Variants in EIF2AK4 observed in about 807,000 individuals in gnomAD.
EIF2AK4 encodes eukaryotic translation initiation factor 2 alpha kinase 4, also known as eIF-2-alpha kinase GCN2.
Under a neutral mutation model 211.1 loss-of-function variants are expected in EIF2AK4, and 139 were observed. The observed-to-expected ratio is 0.66, with a 90% CI of 0.57 to 0.76. The LOEUF (loss-of-function observed/expected upper bound fraction) is 0.76. Among genes scored for constraint, EIF2AK4 ranks in the 30% least tolerant of loss-of-function variants. The pLI, the probability that EIF2AK4 is intolerant of heterozygous loss-of-function variation, is 0.00. For missense variants in EIF2AK4, 1,664 were observed against 2,043.8 expected, an observed-to-expected ratio of 0.81 and a Z score of 3.58; for synonymous variants, 710 against 751.3, an observed-to-expected ratio of 0.94 and a Z score of 0.90.
chr15:39,996,554 C>A (rs1053570411), intron 18 of EIF2AK4, among the ~76,000 whole-genome samples: 4 of 151,880 alleles, frequency 2.6e-5, no homozygotes, highest in Non-Finnish European at 5.9e-5. Context: ...AAAATACACA[C>A]AAAAAAATTA....
rs759899622 is a variant in EIF2AK4 at position 40,003,198 on chromosome 15, G to C, written c.3241G>C (p.Val1081Leu). 1 of 1,614,118 alleles carries C rather than the reference G, an allele frequency of 6.2e-7. No homozygotes were observed. Among genetic ancestry groups the C allele is most frequent in the South Asian group, 1.1e-5 (1 of 91,074 alleles). The change falls in exon 23 of 39, where the codon GTT (valine) becomes CTT (leucine). Residue 1081 changes from valine to leucine, a missense_variant. Around this residue, in one of 7 missense-constraint regions of EIF2AK4, gnomAD observed 622 missense variants for 796.8 expected, o/e 0.78. Transcript: ENST00000263791. Reference protein sequence around the residue: ...IIRIFKRHGAVQLCTPLLLPR... With the variant: ...IIRIFKRHGALQLCTPLLLPR... The stretch of plus-strand genomic sequence containing the variant: ...TTTTTTCTCATTTGGTGTAGGAGCT[G>C]TTCAGTTGTGTACTCCACTACTGCT...
At chr15:40,016,382 G>C in intron 27 of EIF2AK4, 120 bp from the exon 28 acceptor site, 1 of 1,243,806 alleles carries the variant, frequency 8.0e-7, no homozygotes, top group Non-Finnish European at 1.1e-6. Context: ...AATAATCTTT[G>C]ACCACAAAGA....
At chr15:40,020,698 A>AT (rs1325059430) in intron 30 of EIF2AK4, 2 of 330,422 alleles carry the variant, frequency 6.1e-6, no homozygotes, top group Admixed American at 4.8e-5. Flanking sequence ...CAGAAAAAAA[A>AT]AGAAAAAGTT....
chr15:39,993,923 G>A (rs1271054064), intron 18 of EIF2AK4, among the ~76,000 whole-genome samples: 1 of 152,178 alleles, frequency 6.6e-6, no homozygotes, highest in Non-Finnish European at 1.5e-5. Context: ...CAATGGAAGG[G>A]ATGTTGGATG....
chr15:39,962,133 C>T (rs1362936716), intron 7 of EIF2AK4, among the ~76,000 whole-genome samples: 2 of 152,160 alleles, frequency 1.3e-5, no homozygotes, highest in African/African-American at 2.4e-5. Flanking sequence ...CGTGGCTATG[C>T]CTATAATCCC....
In EIF2AK4 at chr15:39,998,777, C is replaced by T. The variant is rs1595419350; in HGVS notation, c.2915C>T (p.Ala972Val). The change falls in exon 20 of 39, where the codon GCA becomes GTA. Residue 972 changes from alanine (A) to valine (V), a missense_variant. Ala to Val is a moderately conservative substitution (Grantham distance 64). This residue lies in a region of EIF2AK4 where 622 missense variants were observed against 796.8 expected (regional missense o/e 0.78). Coordinates refer to ENST00000263791, the MANE Select transcript of EIF2AK4 (RefSeq NM_001013703.4). ...GAAGACTTTGACGATGGAGAGCATG[C>T]AAAGCAGGTAATTTTCTGATGCGTC... ...FPEDFDDGEHAKQKSVISWLL... is the reference protein window; with the variant it reads ...FPEDFDDGEHVKQKSVISWLL... 3 of 1,611,698 alleles carry T rather than the reference C, an allele frequency of 1.9e-6. No individual in the cohort carries two copies. In the East Asian group the frequency reaches 6.7e-5, roughly 36 times the overall value.
intron 29 of EIF2AK4, 75 bp from the exon 30 acceptor site, chr15:40,019,018 C>T: frequency 8.9e-7 from 1 of 1,125,738 alleles, no homozygotes; most frequent in Non-Finnish European, 1.3e-6. Flanking sequence ...AGTGCTCACT[C>T]TTTAATCATT....
chr15:40,011,974 CA>C (rs2035240982), intron 27 of EIF2AK4, among the ~76,000 whole-genome samples: 1 of 152,140 alleles, frequency 6.6e-6, no homozygotes, highest in Non-Finnish European at 1.5e-5. Context: ...CAGAATACAA[CA>C]GGGATTTTGT....
At chr15:40,032,715 T>C (rs374256264) in intron 36 of EIF2AK4, 42 bp from the exon 37 acceptor site, 22 of 1,586,590 alleles carry the variant, frequency 1.4e-5, no homozygotes, top group Non-Finnish European at 1.9e-5. Context: ...CAAGGCAGTA[T>C]TGTGCTGCTG....
At chr15:39,943,177 C>T (rs567730048) in intron 2 of EIF2AK4, among the ~76,000 whole-genome samples, 2 of 152,224 alleles carry the variant, frequency 1.3e-5, no homozygotes, top group East Asian at 3.9e-4. Flanking sequence ...TCTAACAGCC[C>T]AGACAGAAGG....
At chr15:39,980,790 A>T (rs1171957622) in intron 13 of EIF2AK4, among the ~76,000 whole-genome samples, 1 of 152,144 alleles carries the variant, frequency 6.6e-6, no homozygotes, top group Non-Finnish European at 1.5e-5. Context: ...CTGGGCTCAA[A>T]TGATCCTCCT....
At chr15:39,973,480 T>C in intron 10 of EIF2AK4, 112 bp from the exon 11 acceptor site, 1 of 1,185,456 alleles carries the variant, frequency 8.4e-7, no homozygotes, top group Non-Finnish European at 1.2e-6. Flanking sequence ...AGAGGTAATT[T>C]TTCAAACTAC....
intron 8 of EIF2AK4, 31 bp downstream of exon 8, chr15:39,965,874 AG>A: frequency 1.2e-6 from 2 of 1,610,952 alleles, no homozygotes; most frequent in Non-Finnish European, 1.7e-6. Context: ...ACTGAGCAAA[AG>A]GCCTAATCTC....
Position 39,976,500 on chromosome 15 carries a change from C to A in EIF2AK4, c.1905C>A (p.Gly635=). ...PASRQFRRIK[G]EVTLLSRLHH... ...GCCGGCAGTTCCGCAGGATCAAGGG[C>A]GAAGTGACACTGCTGTCACGGCTGC... is the stretch of plus-strand genomic sequence containing the variant. The change falls in exon 12 of 39, where the codon GGC becomes GGA. Residue 635 remains glycine, a synonymous_variant. Transcript: ENST00000263791. The A allele has an allele frequency of 6.2e-7, 1 of 1,612,404 alleles. No homozygotes were observed. Among genetic ancestry groups the A allele is most frequent in the South Asian group, 1.1e-5 (1 of 90,780 alleles).
chr15:39,981,626 A>G (rs1355414158), intron 13 of EIF2AK4, among the ~76,000 whole-genome samples: 1 of 151,436 alleles, frequency 6.6e-6, no homozygotes, highest in Admixed American at 6.6e-5. Flanking sequence ...TTTTTCTTTG[A>G]TAAAGGAAAA....
At position 40,012,929 on chromosome 15, in the gene EIF2AK4, G is replaced by T. The variant is rs117771300; in HGVS notation, c.3759+1583G>T. On this transcript the variant is annotated intron_variant, in intron 27 of 38. Coordinates refer to ENST00000263791, the MANE Select transcript of EIF2AK4 (RefSeq NM_001013703.4). Reference sequence around the variant, plus strand: ...TATTGCCAAAGAGTTTCACATATCTGACCCAGTCCTCTTATTTCACAAATG... The same window carrying T: ...TATTGCCAAAGAGTTTCACATATCTTACCCAGTCCTCTTATTTCACAAATG... 3.1e-4 allele frequency among the ~76,000 whole-genome samples: 47 copies of T among 152,234 alleles called. No individual in the cohort carries two copies. In the East Asian group the frequency reaches 5.8e-3, roughly 19 times the overall value.
chr15:40,017,516 T>C (rs1397424623), intron 29 of EIF2AK4, among the ~76,000 whole-genome samples: 3 of 12,298 alleles, frequency 2.4e-4, no homozygotes, highest in African/African-American at 1.1e-3. Context: ...TATATATATA[T>C]ATATATATAT....
At chr15:39,967,128 A>G (rs1286073898) in intron 8 of EIF2AK4, among the ~76,000 whole-genome samples, 1 of 152,164 alleles carries the variant, frequency 6.6e-6, no homozygotes, top group Non-Finnish European at 1.5e-5. Context: ...TTTATGAACT[A>G]TTAGATTGAC....
At chr15:39,996,836 T>A (rs923132329) in intron 18 of EIF2AK4, 128 bp from the exon 19 acceptor site, 1 of 628,414 alleles carries the variant, frequency 1.6e-6, no homozygotes, top group Admixed American at 2.7e-5. Flanking sequence ...ATCTTCGCAT[T>A]TTTCCAGTGT....
Sources: allele counts gnomAD v4.1 joint callset (sites outside exome capture counted in the v4.1 genomes callset), GRCh38; gene constraint gnomAD v4.1.1; regional missense constraint gnomAD v4.1.1; transcripts MANE v1.5; gene names NCBI Gene and HGNC (gene_info 2026-07-23, HGNC 2026-07-21).